Variants in CERT1 observed in about 807,000 individuals in gnomAD.
CERT1 encodes ceramide transfer protein.
Under a neutral mutation model 87.9 loss-of-function variants are expected in CERT1, and 31 were observed. The ratio of observed to expected loss-of-function variants is 0.35; its 90% confidence interval spans 0.27 to 0.48. CERT1 has a LOEUF of 0.48. Among genes scored for constraint, CERT1 ranks in the 20% least tolerant of loss-of-function variants. CERT1 has a pLI of 0.99. For missense variants in CERT1, 487 were observed against 758.0 expected (o/e 0.64, Z 4.20); for synonymous variants, 289 against 250.9 (o/e 1.15, Z -1.44).
Position 75,379,276 on chromosome 5 carries a change from A to G in CERT1, c.*70T>C. On this transcript the variant is annotated 3_prime_UTR_variant, in exon 17 of 17. Coordinates refer to ENST00000643780, the MANE Select transcript of CERT1 (RefSeq NM_001379029.1). ...TAAATACTTTCAACAACTAAATTTT[A>G]GTATTGACAGTCATATTAGTCAAAT... 1 of 1,292,644 alleles carries G rather than the reference A, an allele frequency of 7.7e-7. No homozygotes were observed. The highest frequency in any genetic ancestry group is 1.1e-6 in the Non-Finnish European group (1 of 918,164). The allele number at this position is 1,292,644 out of a possible 1,614,324, so 80.1% of individuals were successfully genotyped here.
At position 75,379,214 on chromosome 5, in the gene CERT1, G is replaced by A. The variant is rs974610673; in HGVS notation, c.*132C>T. The A allele has an allele frequency of 1.6e-5, 13 of 827,916 alleles. No individual in the cohort carries two copies. The Admixed American group carries it at 1.9e-4, about 12-fold the overall frequency. 51.3% of individuals were successfully genotyped at this position (827,916 alleles called of 1,614,324 possible). ...AACAACGACAACAACAAAAACCAAC[G>A]AAACAATACTCTATAGGGGAACATC... On this transcript the variant is annotated 3_prime_UTR_variant, in exon 17 of 17. Transcript: ENST00000643780.
chr5:75,372,729 C>T (rs1358384824), intron 17 of CERT1: 1 of 152,212 alleles, frequency 6.6e-6, no homozygotes, highest in East Asian at 1.9e-4. Flanking sequence ...AGCGATCAGA[C>T]TAATCCCATC....
intron 5 of CERT1, among the ~76,000 whole-genome samples, chr5:75,424,654 A>G (rs1261766496): frequency 6.6e-6 from 1 of 151,950 alleles, no homozygotes; most frequent in African/African-American, 2.4e-5. Flanking sequence ...GAGAGGGAGA[A>G]AGAGAAAGAG....
chr5:75,422,007 G>T (rs2112170088), intron 5 of CERT1, among the ~76,000 whole-genome samples: 1 of 152,076 alleles, frequency 6.6e-6, no homozygotes, highest in Admixed American at 6.5e-5. Flanking sequence ...TGTTTATAAT[G>T]CTAGCTCATA....
intron 2 of CERT1, among the ~76,000 whole-genome samples, chr5:75,499,523 C>A (rs1004619661): frequency 6.6e-6 from 1 of 152,124 alleles, no homozygotes; most frequent in Non-Finnish European, 1.5e-5. Flanking sequence ...TTGTAAGTTT[C>A]CTGAGGCCTC....
chr5:75,394,220 T>C (rs1420835257), intron 11 of CERT1, among the ~76,000 whole-genome samples: 2 of 152,052 alleles, frequency 1.3e-5, no homozygotes, highest in African/African-American at 4.8e-5. Flanking sequence ...GCAGTAAAAA[T>C]TTTTAAAACT....
intron 3 of CERT1, among the ~76,000 whole-genome samples, chr5:75,449,680 A>T (rs1764697838): frequency 6.6e-6 from 1 of 150,898 alleles, no homozygotes; most frequent in African/African-American, 2.4e-5. Context: ...TTGTTGCTCC[A>T]CGTCCTCACC....
At chr5:75,431,508 G>A (rs1763865732) in intron 3 of CERT1, among the ~76,000 whole-genome samples, 1 of 152,198 alleles carries the variant, frequency 6.6e-6, no homozygotes, top group Non-Finnish European at 1.5e-5. Context: ...GTCATGGCAG[G>A]AACTGTTGGC....
At chr5:75,499,097 T>C (rs1278602408) in intron 2 of CERT1, among the ~76,000 whole-genome samples, 7 of 152,208 alleles carry the variant, frequency 4.6e-5, no homozygotes, top group Admixed American at 4.6e-4. Context: ...ATAGGTGTAT[T>C]TACCCACTGC....
chr5:75,507,300 G>C (rs557862417), intron 1 of CERT1, among the ~76,000 whole-genome samples: 13 of 152,154 alleles, frequency 8.5e-5, no homozygotes, highest in African/African-American at 3.1e-4. Context: ...TTGTAGAAAT[G>C]AGGTTTCGCT....
chr5:75,389,701 G>A lies in CERT1; in HGVS notation c.1189-14C>T. On this transcript the variant is annotated splice_polypyrimidine_tract_variant and intron_variant, in intron 11 of 16. Transcript: ENST00000643780. The stretch of plus-strand genomic sequence containing the variant: ...CATCTCTTCAACCTTGAGAAGGGAG[G>A]AAAAAGGCATGAGAATCCAAAAGGT... 6.3e-7 allele frequency: 1 copy of A among 1,593,514 alleles called. No individual in the cohort carries two copies. The highest frequency in any genetic ancestry group is 8.6e-7 in the Non-Finnish European group (1 of 1,161,928).
At chr5:75,427,971 T>C (rs1396597407) in intron 3 of CERT1, among the ~76,000 whole-genome samples, 4 of 152,166 alleles carry the variant, frequency 2.6e-5, no homozygotes, top group Non-Finnish European at 5.9e-5. Flanking sequence ...GTTACAAACA[T>C]TTCAAGATTA....
chr5:75,479,732 A>G (rs1766141350), intron 2 of CERT1, among the ~76,000 whole-genome samples: 1 of 151,918 alleles, frequency 6.6e-6, no homozygotes, highest in Admixed American at 6.6e-5. Flanking sequence ...TTTTATTGTG[A>G]ATAGTGCTGC....
intron 2 of CERT1, among the ~76,000 whole-genome samples, chr5:75,501,776 C>T (rs950214536): frequency 1.3e-5 from 2 of 152,060 alleles, no homozygotes; most frequent in South Asian, 4.1e-4. Context: ...TACCAGGATA[C>T]ATAATTAGTC....
chr5:75,454,560 C>T (rs1412910885), intron 3 of CERT1, among the ~76,000 whole-genome samples: 1 of 152,174 alleles, frequency 6.6e-6, no homozygotes, highest in Non-Finnish European at 1.5e-5. Context: ...GGCCCAGGAA[C>T]TGCTAACGAA....
At chr5:75,470,261 C>T (rs1765648004) in intron 2 of CERT1, among the ~76,000 whole-genome samples, 1 of 152,170 alleles carries the variant, frequency 6.6e-6, no homozygotes, top group Non-Finnish European at 1.5e-5. Flanking sequence ...TTCTTAACTA[C>T]ACATGGGACG....
At chr5:75,510,936 G>A (rs375616515) in intron 1 of CERT1, among the ~76,000 whole-genome samples, 176 bp downstream of exon 1, 2 of 152,006 alleles carry the variant, frequency 1.3e-5, no homozygotes, top group African/African-American at 2.4e-5. Context: ...ACGAGCCCCC[G>A]GGCAACAAGG....
chr5:75,448,728 T>C (rs1280285952), intron 3 of CERT1, among the ~76,000 whole-genome samples: 1 of 152,174 alleles, frequency 6.6e-6, no homozygotes, highest in Non-Finnish European at 1.5e-5. Flanking sequence ...CTGTCAGAAA[T>C]CTTCCCTCTT....
intron 8 of CERT1, among the ~76,000 whole-genome samples, chr5:75,409,181 TTTG>T (rs1303277068): frequency 7.9e-5 from 12 of 152,134 alleles, no homozygotes; most frequent in South Asian, 4.1e-4. Context: ...AGCAAAATAA[TTTG>T]TTTAGTTTCA....
Sources: gnomAD v4.1 joint callset for allele counts (sites outside exome capture counted in the v4.1 genomes callset) on GRCh38, gnomAD v4.1.1 for gene constraint, MANE v1.5 for transcripts, NCBI Gene and HGNC (gene_info 2026-07-23, HGNC 2026-07-21) for gene names.